Variants in ATP8B1 observed in about 807,000 individuals in gnomAD.
The protein encoded by ATP8B1 is phospholipid-transporting ATPase IC.
ATP8B1 carries 80 observed loss-of-function variants against 149.9 expected under a neutral mutation model. The observed-to-expected ratio is 0.53, with a 90% CI of 0.45 to 0.64. ATP8B1 has a LOEUF of 0.64. ATP8B1 is among the 30% of genes least tolerant of loss of function. ATP8B1 has a pLI of 0.00. For synonymous variants in ATP8B1, 536 were observed against 562.8 expected (o/e 0.95, Z 0.67); for missense variants, 1,247 against 1,552.6 (o/e 0.80, Z 3.31).
At chr18:57,705,077 A>G (rs1156842401) in intron 3 of ATP8B1, among the ~76,000 whole-genome samples, 2 of 152,328 alleles carry the variant, frequency 1.3e-5, no homozygotes, top group East Asian at 3.9e-4. Flanking sequence ...TCTGCCTTAA[A>G]AAAGAAAAGA....
At chr18:57,718,727 CAATT>C (rs1421508976) in intron 2 of ATP8B1, among the ~76,000 whole-genome samples, 1 of 152,094 alleles carries the variant, frequency 6.6e-6, no homozygotes, top group Admixed American at 6.5e-5. Flanking sequence ...ATACACAAAT[CAATT>C]AATGTGATAT....
chr18:57,713,221 T>TTTCTC (rs1913804210), intron 2 of ATP8B1, among the ~76,000 whole-genome samples: 1 of 133,028 alleles, frequency 7.5e-6, no homozygotes, highest in African/African-American at 2.9e-5. Flanking sequence ...CCTTCCTTCC[T>TTTCTC]TCCTTCCTTC....
At chr18:57,730,058 G>A (rs974119833) in intron 2 of ATP8B1, among the ~76,000 whole-genome samples, 1 of 152,020 alleles carries the variant, frequency 6.6e-6, no homozygotes, top group Non-Finnish European at 1.5e-5. Context: ...GGTGAGATGG[G>A]GCTCGCGGGG....
intron 1 of ATP8B1, among the ~76,000 whole-genome samples, chr18:57,744,588 C>T (rs1329216791): frequency 1.3e-5 from 2 of 152,140 alleles, no homozygotes; most frequent in African/African-American, 4.8e-5. Context: ...TACGTTCAAG[C>T]GTCATCCTTA....
intron 23 of ATP8B1, 66 bp downstream of exon 23, chr18:57,655,128 G>T: frequency 7.0e-7 from 1 of 1,429,488 alleles, no homozygotes; most frequent in Non-Finnish European, 9.8e-7. Flanking sequence ...TGTCTTTTCA[G>T]AACTAGATTT....
chr18:57,739,815 T>C (rs112551834), intron 1 of ATP8B1, among the ~76,000 whole-genome samples: 8 of 152,348 alleles, frequency 5.3e-5, no homozygotes, highest in African/African-American at 1.7e-4. Flanking sequence ...GATTTTACCA[T>C]GTACGCAAAA....
chr18:57,758,060 T>A (rs2080102738), intron 1 of ATP8B1, among the ~76,000 whole-genome samples: 1 of 152,136 alleles, frequency 6.6e-6, no homozygotes, highest in Admixed American at 6.5e-5. Context: ...CTCAGACTGG[T>A]CTTAGGCGGG....
At chr18:57,722,322 A>G (rs1424257241) in intron 2 of ATP8B1, among the ~76,000 whole-genome samples, 2 of 150,672 alleles carry the variant, frequency 1.3e-5, no homozygotes, top group Non-Finnish European at 3.0e-5. Context: ...GGTTTTTTGA[A>G]AGGATCAACA....
At chr18:57,767,096 A>C (rs2080217299) in intron 1 of ATP8B1, among the ~76,000 whole-genome samples, 1 of 152,210 alleles carries the variant, frequency 6.6e-6, no homozygotes, top group Non-Finnish European at 1.5e-5. Context: ...TCTATCAAAA[A>C]GGACGTTGGA....
chr18:57,732,743 A>C (rs1328865955), intron 1 of ATP8B1, among the ~76,000 whole-genome samples: 1 of 151,970 alleles, frequency 6.6e-6, no homozygotes, highest in Non-Finnish European at 1.5e-5. Flanking sequence ...TTGTATTTTT[A>C]GTAGAGACGG....
chr18:57,761,944 T>TAAAAAAAAAAAAAAAA (rs71171087), intron 1 of ATP8B1, among the ~76,000 whole-genome samples: 1 of 98,220 alleles, frequency 1.0e-5, no homozygotes, highest in African/African-American at 4.0e-5. Flanking sequence ...GCAAGACTGT[T>TAAAAAAAAAAAAAAAA]AAAAAAAAAA....
chr18:57,675,865 C>T (rs1325412728), intron 15 of ATP8B1, among the ~76,000 whole-genome samples: 1 of 152,178 alleles, frequency 6.6e-6, no homozygotes, highest in African/African-American at 2.4e-5. Context: ...GCCACCACAC[C>T]TGGCTAATTT....
At chr18:57,728,376 G>A (rs966040121) in intron 2 of ATP8B1, among the ~76,000 whole-genome samples, 2 of 152,082 alleles carry the variant, frequency 1.3e-5, no homozygotes, top group Non-Finnish European at 1.5e-5. Flanking sequence ...AAAAAAGAAA[G>A]AGAAGTCAGG....
In ATP8B1 at chr18:57,802,518, G is replaced by T. The variant is rs990669851; in HGVS notation, c.-26+480C>A. 3.3e-5 allele frequency among the ~76,000 whole-genome samples: 5 copies of T among 152,168 alleles called. No individual in the cohort carries two copies. The highest frequency in any genetic ancestry group is 7.3e-5 in the Non-Finnish European group (5 of 68,040). On this transcript the variant is annotated intron_variant, in intron 1 of 27. Transcript: ENST00000648908. The surrounding 1 kb of genome is among the most constrained non-coding windows in gnomAD (Gnocchi z 4.9). ...CGGCAGGTGGGCCGCGGTCAGATAC[G>T]TTTGGCCCGCAAGTCCTTTTCGGAC...
intron 2 of ATP8B1, among the ~76,000 whole-genome samples, chr18:57,717,593 TAG>T: frequency 1.2e-5 from 1 of 81,980 alleles, no homozygotes; most frequent in African/African-American, 4.8e-5. Flanking sequence ...AAAAAAGAAC[TAG>T]AAAAGCAAGA....
At chr18:57,703,646 G>A (rs986367326) in intron 4 of ATP8B1, among the ~76,000 whole-genome samples, 6 of 151,668 alleles carry the variant, frequency 4.0e-5, no homozygotes, top group African/African-American at 1.2e-4. Context: ...TAATCCGCAC[G>A]GCAGACACTA....
At chr18:57,655,988 C>T (rs891085795) in intron 22 of ATP8B1, among the ~76,000 whole-genome samples, 1 of 152,178 alleles carries the variant, frequency 6.6e-6, no homozygotes, top group Non-Finnish European at 1.5e-5. Flanking sequence ...AGCCCAGCAT[C>T]GCTTCCTCTT....
chr18:57,697,434 G>A (rs1041420232), intron 8 of ATP8B1, among the ~76,000 whole-genome samples, 184 bp downstream of exon 8: 2 of 152,052 alleles, frequency 1.3e-5, no homozygotes, highest in African/African-American at 4.8e-5. Flanking sequence ...CCTGAGAGGT[G>A]GAGAAACGCA....
chr18:57,725,339 C>T (rs2079696766), intron 2 of ATP8B1, among the ~76,000 whole-genome samples: 11 of 151,874 alleles, frequency 7.2e-5, no homozygotes. Flanking sequence ...TAAAAGATCT[C>T]TGCAATCAAA....
Sources: gnomAD v4.1 joint callset for allele counts (sites outside exome capture counted in the v4.1 genomes callset) on GRCh38, gnomAD v4.1.1 for gene constraint, Gnocchi (gnomAD v3.1) non-coding constraint, MANE v1.5 for transcripts, NCBI Gene and HGNC (gene_info 2026-07-23, HGNC 2026-07-21) for gene names.